The following REPS2 variants were observed in gnomAD, a reference collection of about 807,000 sequenced individuals.
REPS2 encodes ralBP1-associated Eps domain-containing protein 2.
In REPS2, 23 loss-of-function variants were observed where a neutral mutation model predicts 53.6. The observed-to-expected ratio is 0.43, with a 90% CI of 0.31 to 0.61. The LOEUF (loss-of-function observed/expected upper bound fraction) is 0.61. Ranked by LOEUF, REPS2 falls within the 20% of genes least tolerant of loss-of-function variation. The pLI is 0.11. For synonymous variants in REPS2, 238 were observed against 218.6 expected (o/e 1.09, Z -0.78); for missense variants, 446 against 534.9 (o/e 0.83, Z 1.64).
chrX:17,015,695 A>G (rs1323502926), intron 2 of REPS2, among the ~76,000 whole-genome samples: 1 of 110,718 alleles, frequency 9.0e-6, no homozygotes, highest in Admixed American at 9.6e-5. Context: ...GTTTGCGGAG[A>G]ATGATGGTTT....
intron 1 of REPS2, among the ~76,000 whole-genome samples, chrX:16,982,771 T>C (rs956225710): frequency 2.7e-5 from 3 of 112,151 alleles, no homozygotes; most frequent in African/African-American, 9.7e-5. Flanking sequence ...CTTTCTGCCA[T>C]GATGACCATT....
At chrX:17,007,837 C>T (rs2061381555) in intron 2 of REPS2, among the ~76,000 whole-genome samples, 1 of 111,872 alleles carries the variant, frequency 8.9e-6, no homozygotes, top group African/African-American at 3.3e-5. Context: ...ATGGTGCTGC[C>T]GTTGTTCGTA....
intron 13 of REPS2, among the ~76,000 whole-genome samples, chrX:17,079,308 C>A (rs759058703): frequency 1.8e-5 from 2 of 111,757 alleles, no homozygotes; most frequent in African/African-American, 6.5e-5. Flanking sequence ...AAGCCTCCAC[C>A]GAGGAGGATA....
chrX:17,062,287 G>GTAC, intron 8 of REPS2, 151 bp from the exon 9 acceptor site: 3 of 424,678 alleles, frequency 7.1e-6, no homozygotes, highest in Non-Finnish European at 1.2e-5. Context: ...AGAACTGAAA[G>GTAC]TACTACCTCA....
At chrX:17,127,427 G>T (rs1269235593) in intron 14 of REPS2, among the ~76,000 whole-genome samples, 2 of 112,032 alleles carry the variant, frequency 1.8e-5, no homozygotes, top group East Asian at 5.6e-4. Context: ...CAGTCTGGTT[G>T]GGCAAACAGA....
chrX:16,976,050 C>T (rs1192242891), intron 1 of REPS2, among the ~76,000 whole-genome samples: 10 of 111,957 alleles, frequency 8.9e-5, no homozygotes, highest in Non-Finnish European at 1.5e-4. Context: ...TCATCCCAAA[C>T]ATAAACCATA....
intron 14 of REPS2, among the ~76,000 whole-genome samples, chrX:17,107,582 G>C (rs149048168): frequency 0.016 from 1,805 of 112,343 alleles, 19 homozygotes; most frequent in Middle Eastern, 0.032. Context: ...ATGCAGTTTA[G>C]CTGGCTCATA....
intron 13 of REPS2, among the ~76,000 whole-genome samples, chrX:17,090,625 A>C (rs1163899511): frequency 1.8e-5 from 2 of 112,570 alleles, no homozygotes; most frequent in Non-Finnish European, 1.9e-5. Context: ...TTCTTTATAT[A>C]TTCTGGATAC....
At chrX:16,968,383 G>A (rs1290154273) in intron 1 of REPS2, among the ~76,000 whole-genome samples, 5 of 111,750 alleles carry the variant, frequency 4.5e-5, no homozygotes, top group African/African-American at 9.7e-5. Context: ...GGTGGTGGCC[G>A]GGCAGAGGGG....
chrX:17,026,721 A>G (rs150479351), intron 4 of REPS2, among the ~76,000 whole-genome samples: 22 of 111,542 alleles, frequency 2.0e-4, no homozygotes, highest in African/African-American at 6.8e-4. Flanking sequence ...AAAGCTGTCC[A>G]TGCCTTCATT....
the REPS2 span, among the ~76,000 whole-genome samples, chrX:17,187,237 C>T: frequency 3.6e-5 from 4 of 111,572 alleles, no homozygotes; most frequent in African/African-American, 1.3e-4. Flanking sequence ...TTCTTTTGCT[C>T]TTTCATTATG....
intron 1 of REPS2, among the ~76,000 whole-genome samples, chrX:16,995,628 ACT>A (rs954335308): frequency 8.1e-5 from 9 of 111,768 alleles, no homozygotes; most frequent in African/African-American, 1.3e-4. Context: ...CAGATTAGAA[ACT>A]CTGACACGGC....
At chrX:16,983,651 C>T (rs1314040583) in intron 1 of REPS2, among the ~76,000 whole-genome samples, 4 of 112,016 alleles carry the variant, frequency 3.6e-5, no homozygotes, top group East Asian at 5.6e-4. Flanking sequence ...TACAGGCATG[C>T]GCCACCATGC....
chrX:17,104,627 G>A (rs2062849698), intron 14 of REPS2, among the ~76,000 whole-genome samples: 1 of 111,562 alleles, frequency 9.0e-6, no homozygotes, highest in South Asian at 3.8e-4. Flanking sequence ...ACACATGCTT[G>A]TCCTTCTTTC....
In REPS2 at chrX:17,028,698, T is replaced by C. The variant is rs774916097; in HGVS notation, c.674-828T>C. ...ATGAGGTCATAACAGGCTGCTCTGC[T>C]CTCTACCTAATTTTATTTGTAAGTA... On this transcript the variant is annotated intron_variant, in intron 4 of 17. Coordinates refer to ENST00000357277, the MANE Select transcript of REPS2 (RefSeq NM_004726.3). Among the ~76,000 whole-genome samples, 105 of 112,607 alleles carry C rather than the reference T, an allele frequency of 9.3e-4. 1 individual carries two copies. The highest frequency in any genetic ancestry group is 2.0e-3 in the Admixed American group (21 of 10,623).
intron 1 of REPS2, among the ~76,000 whole-genome samples, chrX:16,988,781 A>G (rs1373158006): frequency 1.8e-5 from 2 of 112,356 alleles, no homozygotes; most frequent in Non-Finnish European, 3.8e-5. Context: ...TGTATGCTGA[A>G]AACTACAAAA....
chrX:17,112,492 A>C (rs754350738), intron 14 of REPS2, among the ~76,000 whole-genome samples: 1 of 112,173 alleles, frequency 8.9e-6, no homozygotes, highest in African/African-American at 3.2e-5. Context: ...ACAAGTCTCA[A>C]TAAATTTCAA....
At chrX:17,097,159 G>C (rs2062715726) in intron 13 of REPS2, among the ~76,000 whole-genome samples, 1 of 111,711 alleles carries the variant, frequency 9.0e-6, no homozygotes, top group Non-Finnish European at 1.9e-5. Context: ...ACTGAGAGCT[G>C]GCTTCTTAAT....
chrX:17,107,648 C>G (rs771184625), intron 14 of REPS2, among the ~76,000 whole-genome samples: 2 of 111,355 alleles, frequency 1.8e-5, no homozygotes, highest in Non-Finnish European at 1.9e-5. Context: ...CAAATGGGGC[C>G]CTGGAGTTAG....
Sources: allele counts gnomAD v4.1 joint callset (sites outside exome capture counted in the v4.1 genomes callset), GRCh38; gene constraint gnomAD v4.1.1; transcripts MANE v1.5; gene names NCBI Gene and HGNC (gene_info 2026-07-23, HGNC 2026-07-21).